Variants in C1QTNF3 observed in about 807,000 individuals in gnomAD.
C1QTNF3 encodes C1q and TNF related 3.
Under a neutral mutation model 32.6 loss-of-function variants are expected in C1QTNF3, and 26 were observed. The observed-to-expected ratio is 0.80, with a 90% confidence interval of 0.58 to 1.11. The LOEUF is 1.11. Among genes scored for constraint, C1QTNF3 ranks in the 50% least tolerant of loss-of-function variants. The pLI is 0.00. For synonymous variants in C1QTNF3, 155 were observed against 146.0 expected, an observed-to-expected ratio of 1.06 and a Z score of -0.44; for missense variants, 362 against 398.2, an observed-to-expected ratio of 0.91 and a Z score of 0.77.
At chr5:34,231,459 G>A in the C1QTNF3 span, among the ~76,000 whole-genome samples, 2 of 152,152 alleles carry the variant, frequency 1.3e-5, no homozygotes, top group Admixed American at 1.3e-4. Flanking sequence ...TGTTAAATAA[G>A]GAACTTGATG....
intron 3 of C1QTNF3, chr5:34,033,031 GT>G (rs1290511329): frequency 8.3e-6 from 3 of 361,420 alleles, no homozygotes; most frequent in African/African-American, 2.1e-5. Flanking sequence ...TAGGAGATAA[GT>G]TTATATTTAG....
chr5:34,119,275 G>C, the C1QTNF3 span, among the ~76,000 whole-genome samples: 1 of 152,074 alleles, frequency 6.6e-6, no homozygotes, highest in Non-Finnish European at 1.5e-5. Context: ...AAATGTCATA[G>C]CTCTTTGACA....
Position 34,020,431 on chromosome 5 carries a change from C to T in C1QTNF3, c.*152G>A. The T allele has an allele frequency of 1.1e-6, 1 of 904,544 alleles. No homozygotes were observed. Among genetic ancestry groups the T allele is most frequent in the Non-Finnish European group, 1.7e-6 (1 of 589,490 alleles). 56.0% of individuals were successfully genotyped at this position (904,544 alleles called of 1,614,324 possible). A position where few individuals can be genotyped will look rare whatever the true frequency, so the allele number is the denominator to read the frequency against. On this transcript the variant is annotated 3_prime_UTR_variant, in exon 6 of 6. Transcript: ENST00000382065. ...TCTTCTGAGCCCCTGAATTGTCCAACATTATTGGTGTACCTGTAGCGTGAA... is the reference window on the plus strand; with the variant it reads ...TCTTCTGAGCCCCTGAATTGTCCAATATTATTGGTGTACCTGTAGCGTGAA...
At chr5:34,073,740 T>G in the C1QTNF3 span, among the ~76,000 whole-genome samples, 2 of 152,174 alleles carry the variant, frequency 1.3e-5, no homozygotes, top group Admixed American at 1.3e-4. Context: ...GACATGCATG[T>G]TTCTAAGCAA....
the C1QTNF3 span, among the ~76,000 whole-genome samples, chr5:34,096,021 A>G: frequency 5.9e-5 from 9 of 151,976 alleles, no homozygotes; most frequent in African/African-American, 2.4e-5. Context: ...TGCTGACCCA[A>G]TGACCCTAAA....
At chr5:34,195,839 C>CAAAAAAAAAA in the C1QTNF3 span, among the ~76,000 whole-genome samples, 1 of 92,478 alleles carries the variant, frequency 1.1e-5, no homozygotes, top group East Asian at 3.1e-4. Flanking sequence ...GACTCTGTCT[C>CAAAAAAAAAA]AAAAAAAAAA....
chr5:34,083,605 G>T, the C1QTNF3 span, among the ~76,000 whole-genome samples: 1 of 151,136 alleles, frequency 6.6e-6, no homozygotes, highest in South Asian at 2.1e-4. Flanking sequence ...TGTATAAATA[G>T]ATTTTTCAAC....
chr5:34,124,308 T>C, the C1QTNF3 span: 1 of 564,188 alleles, frequency 1.8e-6, no homozygotes, highest in Admixed American at 3.0e-5. Context: ...CCAGATGTAT[T>C]AGGCTGTTGT....
At chr5:34,163,267 C>T in the C1QTNF3 span, among the ~76,000 whole-genome samples, 5 of 151,942 alleles carry the variant, frequency 3.3e-5, no homozygotes, top group South Asian at 4.2e-4. Flanking sequence ...ATGTTATGTA[C>T]AACAACCCCC....
chr5:34,157,364 C>T, the C1QTNF3 span, among the ~76,000 whole-genome samples: 2 of 152,100 alleles, frequency 1.3e-5, no homozygotes, highest in Non-Finnish European at 2.9e-5. Flanking sequence ...GCAGTATGAA[C>T]AAAATCATTA....
At chr5:34,026,126 C>A (rs141288279) in intron 4 of C1QTNF3, among the ~76,000 whole-genome samples, 2,115 of 152,272 alleles carry the variant, frequency 0.014, 46 homozygotes, top group Non-Finnish European at 0.013. Context: ...TAAATATCCA[C>A]GTTCTGCAAC....
At chr5:34,141,057 A>G in the C1QTNF3 span, among the ~76,000 whole-genome samples, 1 of 152,264 alleles carries the variant, frequency 6.6e-6, no homozygotes, top group South Asian at 2.1e-4. Context: ...TAATAACAGA[A>G]ATTTATTGTC....
the C1QTNF3 span, among the ~76,000 whole-genome samples, chr5:34,220,386 T>C: frequency 6.6e-6 from 1 of 152,012 alleles, no homozygotes; most frequent in Non-Finnish European, 1.5e-5. Flanking sequence ...GAGCTTTCTA[T>C]GTCAATGATC....
In C1QTNF3 at chr5:34,020,560, G is replaced by T; in HGVS notation, c.*23C>A. ...AGCTCAGCTACAAGTCTTCCCCAAAGTGGAGCTATTCTAGTCATATATTTA... is the reference window on the plus strand; with the variant it reads ...AGCTCAGCTACAAGTCTTCCCCAAATTGGAGCTATTCTAGTCATATATTTA... On this transcript the variant is annotated 3_prime_UTR_variant, in exon 6 of 6. Coordinates refer to ENST00000382065, the MANE Select transcript of C1QTNF3 (RefSeq NM_181435.6). 3.1e-6 allele frequency: 5 copies of T among 1,605,930 alleles called. No individual in the cohort carries two copies. Among genetic ancestry groups the T allele is most frequent in the Non-Finnish European group, 4.3e-6 (5 of 1,173,650 alleles).
chr5:34,063,750 T>C, the C1QTNF3 span, among the ~76,000 whole-genome samples: 1 of 152,166 alleles, frequency 6.6e-6, no homozygotes, highest in African/African-American at 2.4e-5. Flanking sequence ...TAAAGCTTCC[T>C]TAGATCCCTT....
At chr5:34,057,572 C>G in the C1QTNF3 span, among the ~76,000 whole-genome samples, 2 of 152,290 alleles carry the variant, frequency 1.3e-5, no homozygotes, top group East Asian at 3.9e-4. Context: ...CTCTACAATT[C>G]TCATTCCTAT....
In C1QTNF3 at chr5:34,031,532, A is replaced by G. The variant is rs913212446; in HGVS notation, c.570+1772T>C. 2.0e-5 allele frequency among the ~76,000 whole-genome samples: 3 copies of G among 152,280 alleles called. No homozygotes were observed. In the South Asian group the frequency reaches 6.2e-4, roughly 32 times the overall value. ...TTGGCACATGGATCCCAGGTTGCTG[A>G]AATTATTAAACAGCATTTGGCTAGG... On this transcript the variant is annotated intron_variant, in intron 3 of 5. Coordinates refer to ENST00000382065, the MANE Select transcript of C1QTNF3 (RefSeq NM_181435.6).
At chr5:34,026,355 A>G (rs1222360945) in intron 4 of C1QTNF3, among the ~76,000 whole-genome samples, 1 of 151,480 alleles carries the variant, frequency 6.6e-6, no homozygotes, top group Non-Finnish European at 1.5e-5. Context: ...CCCTGTGAAC[A>G]GGGCTGAGCG....
the C1QTNF3 span, among the ~76,000 whole-genome samples, chr5:34,146,316 C>T: frequency 6.6e-6 from 1 of 152,186 alleles, no homozygotes. Flanking sequence ...TCCTAGCAAA[C>T]TACCAATGTC....
Sources: gnomAD v4.1 joint callset for allele counts (sites outside exome capture counted in the v4.1 genomes callset) on GRCh38, gnomAD v4.1.1 for gene constraint, MANE v1.5 for transcripts, NCBI Gene and HGNC (gene_info 2026-07-23, HGNC 2026-07-21) for gene names.